The following PWWP2A variants were observed in gnomAD, a reference collection of about 807,000 sequenced individuals.
The protein encoded by PWWP2A is PWWP domain containing 2A.
A neutral mutation model predicts 48.5 loss-of-function variants in PWWP2A; 18 were observed. The observed-to-expected ratio is 0.37, with a 90% CI of 0.26 to 0.55. The LOEUF (loss-of-function observed/expected upper bound fraction) is 0.55, where lower values mean the gene tolerates loss of function less well. Among genes scored for constraint, PWWP2A ranks in the 20% least tolerant of loss-of-function variants. The pLI, the probability that PWWP2A is intolerant of heterozygous loss-of-function variation, is 0.81. For missense variants in PWWP2A, 867 were observed against 976.4 expected (o/e 0.89, Z 1.49); for synonymous variants, 396 against 387.7 (o/e 1.02, Z -0.25).
At chr5:160,090,025 T>G (rs111379285), downstream of PWWP2A, 2 of 985,298 alleles carry the variant, frequency 2.0e-6, no homozygotes, top group African/African-American at 3.5e-5. Context: ...AAAACTTGCT[T>G]CCCTACTGAA....
At chr5:160,116,596 A>G in intron 1 of PWWP2A, 1 of 887,160 alleles carries the variant, frequency 1.1e-6, no homozygotes, top group Non-Finnish European at 1.4e-6. Flanking sequence ...TGAGACCAAA[A>G]CTCAATAGCA....
intron 1 of PWWP2A, chr5:160,116,694 G>A (rs1395713363): frequency 1.0e-6 from 1 of 985,004 alleles, no homozygotes; most frequent in Non-Finnish European, 1.2e-6. Flanking sequence ...CTTACCTTCT[G>A]CACCTTCCTT....
chr5:160,114,214 T>C (rs138276955), intron 1 of PWWP2A, among the ~76,000 whole-genome samples: 34 of 152,212 alleles, frequency 2.2e-4, no homozygotes, highest in Non-Finnish European at 4.3e-4. Context: ...TTTGGGAGTG[T>C]AGAAATGGGA....
chr5:160,091,339 T>A lies in PWWP2A; in HGVS notation c.*1043A>T. 1.0e-6 allele frequency: 1 copy of A among 980,246 alleles called. No homozygotes were observed. The highest frequency in any genetic ancestry group is 1.2e-6 in the Non-Finnish European group (1 of 825,492). 60.7% of individuals were successfully genotyped at this position (980,246 alleles called of 1,614,324 possible). ...CTTTTTGAGAAACACACACAAATAA[T>A]TTGGATTTAGTTGATTTTATTTACA... On this transcript the variant is annotated 3_prime_UTR_variant, in exon 2 of 2. Coordinates refer to ENST00000307063, the MANE Select transcript of PWWP2A (RefSeq NM_001130864.2).
chr5:160,045,454 C>CCACACA, the PWWP2A span, among the ~76,000 whole-genome samples: 397 of 38,850 alleles, frequency 0.01, 22 homozygotes, highest in Middle Eastern at 0.023. Context: ...CCCCCACCCT[C>CCACACA]CACACACACA....
rs533119505 is a variant in PWWP2A at position 160,115,426 on chromosome 5, T to A, written c.584+3379A>T. Reference sequence around the variant, plus strand: ...ACAAAAACAGGCTGGGCACGGTGGCTCATGCCCATAATCCCAGCACTTTGA... The same window carrying A: ...ACAAAAACAGGCTGGGCACGGTGGCACATGCCCATAATCCCAGCACTTTGA... On this transcript the variant is annotated intron_variant, in intron 1 of 1. Coordinates refer to ENST00000307063, the MANE Select transcript of PWWP2A (RefSeq NM_001130864.2). 8.6e-5 allele frequency among the ~76,000 whole-genome samples: 13 copies of A among 151,904 alleles called. No homozygotes were observed. The South Asian group carries it at 2.5e-3, about 29-fold the overall frequency.
the PWWP2A span, among the ~76,000 whole-genome samples, chr5:160,054,369 T>G: frequency 6.6e-6 from 1 of 152,166 alleles, no homozygotes; most frequent in Non-Finnish European, 1.5e-5. Context: ...ATCCTAACAT[T>G]TTGGGAGGCC....
At chr5:160,088,277 T>G (rs1048641896), downstream of PWWP2A, among the ~76,000 whole-genome samples, 1 of 152,182 alleles carries the variant, frequency 6.6e-6, no homozygotes, top group African/African-American at 2.4e-5. Context: ...CAGGCTGGAG[T>G]GCAACCTCCG....
Position 160,097,630 on chromosome 5 carries a change from AATAAC to A in PWWP2A, c.585-3570_585-3566del, listed in dbSNP as rs1255748156. 2.0e-5 allele frequency among the ~76,000 whole-genome samples: 3 copies of A among 151,392 alleles called. No homozygotes were observed. In the South Asian group the frequency reaches 6.3e-4, roughly 32 times the overall value. ...AGCAACAGAGAGAGACTCCGTCTCA[AATAAC>A]ATAACATAAAAATAAATAAAACAAA... On this transcript the variant is annotated intron_variant, in intron 1 of 1. Transcript: ENST00000307063.
intron 2 of PWWP2A, among the ~76,000 whole-genome samples, chr5:160,085,699 G>A (rs1219441061): frequency 6.6e-6 from 1 of 151,902 alleles, no homozygotes; most frequent in Non-Finnish European, 1.5e-5. Flanking sequence ...TAGAGACGGG[G>A]TTTCACCACG....
At chr5:160,075,966 AAC>A (rs944733568) in exon 4 of PWWP2A, 1 of 152,172 alleles carries the variant, frequency 6.6e-6, no homozygotes, top group Non-Finnish European at 1.5e-5. Flanking sequence ...TAAGATGAGA[AAC>A]AATTTTTATC....
the PWWP2A span, chr5:160,049,680 A>T: frequency 8.4e-6 from 13 of 1,543,106 alleles, no homozygotes; most frequent in Non-Finnish European, 1.0e-5. Context: ...CTAAAATTTT[A>T]AAAATATTTT....
rs1401444166 is a variant in PWWP2A, at chr5:160,091,374, TG to T, written c.*1007del. 262 of 963,566 alleles carry T rather than the reference TG, an allele frequency of 2.7e-4. No individual in the cohort carries two copies. Among genetic ancestry groups the T allele is most frequent in the South Asian group, 7.2e-4 (15 of 20,720 alleles). 59.7% of individuals were successfully genotyped at this position (963,566 alleles called of 1,614,324 possible). A position where few individuals can be genotyped will look rare whatever the true frequency, so the allele number is the denominator to read the frequency against. ...GTTGATTTTATTTACAGCTTTTTTT[TG>T]GTTTTTTTTTTTTTTTTTACATTTC... On this transcript the variant is annotated 3_prime_UTR_variant, in exon 2 of 2. Transcript: ENST00000307063.
At position 160,092,202 on chromosome 5, in the gene PWWP2A, T is replaced by A. The variant is rs1035245502; in HGVS notation, c.*180A>T. 2.9e-5 allele frequency: 38 copies of A among 1,323,512 alleles called. No individual in the cohort carries two copies. In the African/African-American group the frequency reaches 5.3e-4, roughly 18 times the overall value. 82.0% of individuals were successfully genotyped at this position (1,323,512 alleles called of 1,614,324 possible). A position where few individuals can be genotyped will look rare whatever the true frequency, so the allele number is the denominator to read the frequency against. Reference sequence around the variant, plus strand: ...CTCACTTCCTTAACACAAAATTTGATTATATGTTCAGTTTAAGCTCTCAGT... The same window carrying A: ...CTCACTTCCTTAACACAAAATTTGAATATATGTTCAGTTTAAGCTCTCAGT... On this transcript the variant is annotated 3_prime_UTR_variant, in exon 2 of 2. Coordinates refer to ENST00000307063, the MANE Select transcript of PWWP2A (RefSeq NM_001130864.2).
intron 2 of PWWP2A, among the ~76,000 whole-genome samples, chr5:160,082,085 A>G (rs1754274051): frequency 6.6e-6 from 1 of 152,188 alleles, no homozygotes; most frequent in Admixed American, 6.5e-5. Context: ...TCATGGAAAA[A>G]CTTAATATAC....
At chr5:160,054,559 C>G in the PWWP2A span, among the ~76,000 whole-genome samples, 1 of 150,420 alleles carries the variant, frequency 6.6e-6, no homozygotes, top group Non-Finnish European at 1.5e-5. Flanking sequence ...TGCAGTGTTA[C>G]GATGGTACCA....
At chr5:160,083,794 G>C (rs1243438694) in intron 2 of PWWP2A, among the ~76,000 whole-genome samples, 3 of 152,168 alleles carry the variant, frequency 2.0e-5, no homozygotes, top group Non-Finnish European at 4.4e-5. Context: ...CCCTGTGTTT[G>C]GCATAAGGGA....
chr5:160,097,982 G>A (rs1450305872), intron 1 of PWWP2A, among the ~76,000 whole-genome samples: 1 of 152,150 alleles, frequency 6.6e-6, no homozygotes, highest in African/African-American at 2.4e-5. Context: ...CCAAAGTGCT[G>A]GGATTACAGG....
chr5:160,051,178 T>A, the PWWP2A span: 1 of 1,609,750 alleles, frequency 6.2e-7, no homozygotes, highest in Non-Finnish European at 8.5e-7. Flanking sequence ...AAAGAAGAGA[T>A]GTTAGGTAAG....
Sources: gnomAD v4.1 joint callset for allele counts (sites outside exome capture counted in the v4.1 genomes callset) on GRCh38, gnomAD v4.1.1 for gene constraint, MANE v1.5 for transcripts, NCBI Gene and HGNC (gene_info 2026-07-23, HGNC 2026-07-21) for gene names.